CMSS1: variants seen among roughly 807,000 people sequenced by gnomAD.
CMSS1 encodes cms1 ribosomal small subunit homolog.
In CMSS1, 33 loss-of-function variants were observed where a neutral mutation model predicts 43.5. The observed-to-expected ratio is 0.76, with a 90% CI of 0.57 to 1.01. CMSS1 has a LOEUF of 1.01. Ranked by LOEUF, CMSS1 falls within the 50% of genes least tolerant of loss-of-function variation. The pLI, the probability that CMSS1 is intolerant of heterozygous loss-of-function variation, is 0.00. For synonymous variants in CMSS1, 115 were observed against 117.2 expected, an observed-to-expected ratio of 0.98 and a Z score of 0.12; for missense variants, 313 against 326.4, an observed-to-expected ratio of 0.96 and a Z score of 0.32.
chr3:100,031,898 A>G (rs1347127489), intron 1 of CMSS1, among the ~76,000 whole-genome samples: 3 of 152,218 alleles, frequency 2.0e-5, no homozygotes, highest in African/African-American at 7.2e-5. Context: ...GCCAAAGACA[A>G]TACATAAATT....
chr3:100,123,009 G>T (rs1003287205), intron 1 of CMSS1, among the ~76,000 whole-genome samples: 1 of 152,196 alleles, frequency 6.6e-6, no homozygotes, highest in African/African-American at 2.4e-5. Context: ...ATACTGGGGA[G>T]ATTATATTTA....
chr3:100,168,550 A>G (rs181045331), intron 6 of CMSS1, among the ~76,000 whole-genome samples: 115 of 152,208 alleles, frequency 7.6e-4, no homozygotes, highest in Admixed American at 1.2e-3. Context: ...AAAAGATAGA[A>G]TACCATGGAA....
intron 1 of CMSS1, among the ~76,000 whole-genome samples, chr3:99,821,391 G>A (rs137995996): frequency 3.3e-5 from 5 of 152,328 alleles, no homozygotes; most frequent in African/African-American, 9.6e-5. Context: ...CTTAAGGGAT[G>A]TCTAGTCACT....
At chr3:100,090,624 T>A (rs2066087914) in intron 1 of CMSS1, among the ~76,000 whole-genome samples, 1 of 152,190 alleles carries the variant, frequency 6.6e-6, no homozygotes, top group Non-Finnish European at 1.5e-5. Context: ...CTTCCTGGTG[T>A]TGCAGTCGTG....
intron 1 of CMSS1, among the ~76,000 whole-genome samples, chr3:100,013,147 G>A (rs527617345): frequency 1.3e-5 from 2 of 152,192 alleles, no homozygotes; most frequent in Admixed American, 6.5e-5. Context: ...AAAGTGCTGG[G>A]ATTGTTGGCA....
intron 1 of CMSS1, among the ~76,000 whole-genome samples, chr3:100,121,964 A>G (rs1435798844): frequency 1.3e-5 from 2 of 152,208 alleles, no homozygotes; most frequent in Non-Finnish European, 2.9e-5. Flanking sequence ...GCACAATTCC[A>G]GGTGTGCTCC....
At chr3:99,977,009 G>T (rs188055175) in intron 1 of CMSS1, among the ~76,000 whole-genome samples, 1 of 152,142 alleles carries the variant, frequency 6.6e-6, no homozygotes, top group Admixed American at 6.5e-5. Flanking sequence ...TATGATCACC[G>T]TTTAGCAAGT....
chr3:99,989,773 A>G (rs1709459305), intron 1 of CMSS1, among the ~76,000 whole-genome samples: 2 of 151,926 alleles, frequency 1.3e-5, no homozygotes, highest in Admixed American at 6.6e-5. Flanking sequence ...ACATGTTAAT[A>G]TTAAAAGTTA....
intron 1 of CMSS1, among the ~76,000 whole-genome samples, chr3:99,828,499 T>A (rs1333877108): frequency 6.6e-6 from 1 of 151,472 alleles, no homozygotes; most frequent in African/African-American, 2.4e-5. Context: ...TCAGTCAGTC[T>A]GGAGTGCAGT....
At chr3:100,058,433 T>C (rs1482170680) in intron 1 of CMSS1, among the ~76,000 whole-genome samples, 1 of 152,164 alleles carries the variant, frequency 6.6e-6, no homozygotes, top group Admixed American at 6.5e-5. Flanking sequence ...AGTTGACACA[T>C]AGTTAAGTGA....
At chr3:100,127,081 T>G (rs1003803660) in intron 1 of CMSS1, among the ~76,000 whole-genome samples, 1 of 152,212 alleles carries the variant, frequency 6.6e-6, no homozygotes, top group Non-Finnish European at 1.5e-5. Context: ...CTCAGTCACT[T>G]AACCTTCCTA....
At chr3:100,144,425 A>T (rs560374138) in intron 1 of CMSS1, among the ~76,000 whole-genome samples, 26 of 152,314 alleles carry the variant, frequency 1.7e-4, no homozygotes, top group Non-Finnish European at 3.4e-4. Flanking sequence ...TCATGTGGTC[A>T]CCATTGATAC....
chr3:100,156,816 C>T (rs1391545480), intron 2 of CMSS1, among the ~76,000 whole-genome samples: 1 of 152,024 alleles, frequency 6.6e-6, no homozygotes, highest in African/African-American at 2.4e-5. Flanking sequence ...GGGGTTTCAC[C>T]ATGTTAGCCA....
At chr3:99,968,055 C>T (rs1276524633) in intron 1 of CMSS1, among the ~76,000 whole-genome samples, 1 of 152,150 alleles carries the variant, frequency 6.6e-6, no homozygotes, top group African/African-American at 2.4e-5. Context: ...CCTTAGGGAT[C>T]CTTGGGGAAA....
rs118121449 is a variant in CMSS1 at position 99,869,796 on chromosome 3, G to T, written c.64+51753G>T. On this transcript the variant is annotated intron_variant, in intron 1 of 9. Coordinates refer to ENST00000421999, the MANE Select transcript of CMSS1 (RefSeq NM_032359.4). ...TAAAAAAGCATTTTAAAAAGAAAGA[G>T]AAAAACATATTTCACCTTTAAACTT... is the stretch of plus-strand genomic sequence containing the variant. Among the ~76,000 whole-genome samples the T allele has an allele frequency of 6.6e-5, 10 of 152,280 alleles. No individual in the cohort carries two copies. The East Asian group carries it at 1.7e-3, about 26-fold the overall frequency.
chr3:99,830,667 G>C (rs954095583), intron 1 of CMSS1: 1 of 445,538 alleles, frequency 2.2e-6, no homozygotes, highest in African/African-American at 2.0e-5. Context: ...AGTAGAAATT[G>C]TTTAGGACAT....
chr3:100,161,941 A>C (rs532104733), intron 3 of CMSS1, among the ~76,000 whole-genome samples: 32 of 152,304 alleles, frequency 2.1e-4, no homozygotes, highest in Middle Eastern at 3.4e-3. Flanking sequence ...TCAAAATTCT[A>C]ATCCTACAGG....
chr3:99,898,494 C>T (rs910768117), intron 1 of CMSS1: 4 of 152,246 alleles, frequency 2.6e-5, no homozygotes, highest in Admixed American at 1.3e-4. Context: ...AAGTCAAGCG[C>T]GTTGGCTCAT....
intron 2 of CMSS1, among the ~76,000 whole-genome samples, chr3:100,156,367 G>C (rs1336739283): frequency 7.9e-6 from 1 of 126,702 alleles, no homozygotes; most frequent in Non-Finnish European, 1.6e-5. Context: ...GGAGTTCAGT[G>C]ACGCAATCTT....
Sources: allele counts gnomAD v4.1 joint callset (sites outside exome capture counted in the v4.1 genomes callset), GRCh38; gene constraint gnomAD v4.1.1; transcripts MANE v1.5; gene names NCBI Gene and HGNC (gene_info 2026-07-23, HGNC 2026-07-21).